The following PTPN22 variants were observed in gnomAD, a reference collection of about 807,000 sequenced individuals.
The protein encoded by PTPN22 is protein tyrosine phosphatase non-receptor type 22.
In PTPN22, 85 loss-of-function variants were observed where a neutral mutation model predicts 103.3. That is an observed-to-expected ratio of 0.82 (90% CI 0.69 to 0.99). The LOEUF (loss-of-function observed/expected upper bound fraction) is 0.99. Among genes scored for constraint, PTPN22 ranks in the 50% least tolerant of loss-of-function variants. The probability of loss-of-function intolerance (pLI) is 0.00; values close to 1 mark genes in which losing one functional copy is unlikely to be tolerated. For missense variants in PTPN22, 865 were observed against 936.9 expected (o/e 0.92, Z 1.00); for synonymous variants, 323 against 310.2 (o/e 1.04, Z -0.43).
chr1:113,853,268 A>G (rs911817114), intron 9 of PTPN22, among the ~76,000 whole-genome samples: 6 of 151,786 alleles, frequency 4.0e-5, no homozygotes, highest in Non-Finnish European at 5.9e-5. Flanking sequence ...AGAATTGTCA[A>G]CTCAGAATGG....
At chr1:113,825,057 A>T in intron 19 of PTPN22, 85 bp downstream of exon 19, 1 of 1,008,068 alleles carries the variant, frequency 9.9e-7, no homozygotes, top group Non-Finnish European at 1.5e-6. Flanking sequence ...TAATATTGTT[A>T]ATCTTTTCAC....
At chr1:113,837,318 C>T (rs991656480) in intron 13 of PTPN22, among the ~76,000 whole-genome samples, 5 of 151,676 alleles carry the variant, frequency 3.3e-5, no homozygotes, top group Admixed American at 1.3e-4. Context: ...GGCGTGGTGG[C>T]GCGCGCCTGT....
chr1:113,816,822 T>A (rs999403183), intron 20 of PTPN22, among the ~76,000 whole-genome samples: 2 of 152,052 alleles, frequency 1.3e-5, no homozygotes, highest in African/African-American at 4.8e-5. Flanking sequence ...GGCAGGAGAA[T>A]CGCTTGAACC....
chr1:113,867,271 A>G (rs1316996161), intron 1 of PTPN22, among the ~76,000 whole-genome samples: 1 of 152,176 alleles, frequency 6.6e-6, no homozygotes, highest in Admixed American at 6.5e-5. Context: ...CCTTTGAGAG[A>G]CTCAGTGTCA....
intron 1 of PTPN22, among the ~76,000 whole-genome samples, chr1:113,862,046 C>T (rs542059583): frequency 6.6e-6 from 1 of 151,686 alleles, no homozygotes; most frequent in Admixed American, 6.6e-5. Context: ...TTTGGGATGC[C>T]GAGGCAGGCA....
chr1:113,865,504 C>T (rs1666050757), intron 1 of PTPN22, among the ~76,000 whole-genome samples: 1 of 152,094 alleles, frequency 6.6e-6, no homozygotes, highest in Non-Finnish European at 1.5e-5. Flanking sequence ...AGCAGATTGC[C>T]TAGTACATAG....
At chr1:113,817,607 C>CT (rs1558012463) in intron 20 of PTPN22, among the ~76,000 whole-genome samples, 1 of 150,944 alleles carries the variant, frequency 6.6e-6, no homozygotes. Flanking sequence ...CTGGCTAGTT[C>CT]TAAAAAAAAA....
chr1:113,848,570 A>G (rs1664294554), exon 11 of PTPN22: 1 of 1,613,596 alleles, frequency 6.2e-7, no homozygotes. Flanking sequence ...CTCTGATAAC[A>G]TCCATCTGTC....
At chr1:113,828,037 C>A (rs1486265499) in intron 18 of PTPN22, among the ~76,000 whole-genome samples, 1 of 152,020 alleles carries the variant, frequency 6.6e-6, no homozygotes, top group African/African-American at 2.4e-5. Context: ...AAGGGCATAC[C>A]ATGCTCATTT....
chr1:113,838,732 A>G, intron 11 of PTPN22, 112 bp from the exon 12 acceptor site: 1 of 1,434,260 alleles, frequency 7.0e-7, no homozygotes, highest in Non-Finnish European at 9.2e-7. Flanking sequence ...GATTTAAAAT[A>G]ATTCATGAAA....
intron 11 of PTPN22, among the ~76,000 whole-genome samples, chr1:113,843,475 C>T (rs1663788447): frequency 6.6e-6 from 1 of 152,080 alleles, no homozygotes; most frequent in African/African-American, 2.4e-5. Context: ...CAGGTACCTA[C>T]AGTAGTCAAA....
At chr1:113,834,868 C>T (rs368481889) in intron 14 of PTPN22, 42 bp downstream of exon 14, 2 of 1,423,866 alleles carry the variant, frequency 1.4e-6, no homozygotes, top group East Asian at 2.4e-5. Flanking sequence ...AGCCACCATG[C>T]CCATCCCACA....
In PTPN22 at chr1:113,817,285, A is replaced by C. The variant is rs548540636; in HGVS notation, c.2359+2292T>G. Among the ~76,000 whole-genome samples the C allele has an allele frequency of 2.6e-3, 396 of 152,344 alleles. 2 individuals carry two copies. Among genetic ancestry groups the C allele is most frequent in the Non-Finnish European group, 4.3e-3 (290 of 68,030 alleles). Reference sequence around the variant, plus strand: ...TGATCTCTTTCACTGGTCAATTCTCAGTAGCTTAAAACAGTTTCGAGCTAC... The same window carrying C: ...TGATCTCTTTCACTGGTCAATTCTCCGTAGCTTAAAACAGTTTCGAGCTAC... On this transcript the variant is annotated intron_variant, in intron 20 of 20. Transcript: ENST00000359785.
chr1:113,865,772 A>G (rs1175345346), intron 1 of PTPN22, among the ~76,000 whole-genome samples: 3 of 152,244 alleles, frequency 2.0e-5, no homozygotes, highest in African/African-American at 4.8e-5. Flanking sequence ...ATCAATAATC[A>G]TGAAAAACTA....
intron 9 of PTPN22, 66 bp from the exon 10 acceptor site, chr1:113,852,170 T>C (rs1434757710): frequency 7.2e-6 from 9 of 1,244,910 alleles, no homozygotes; most frequent in East Asian, 2.5e-5. Context: ...TACTTTTTCA[T>C]AGTCTTGTAC....
intron 6 of PTPN22, 26 bp from the exon 7 acceptor site, chr1:113,856,467 A>G (rs556386048): frequency 1.3e-5 from 21 of 1,612,442 alleles, no homozygotes; most frequent in South Asian, 1.2e-4. Context: ...AGACTCAAGT[A>G]TTAGTGATTG....
chr1:113,868,497 T>C (rs1329788090), intron 1 of PTPN22, among the ~76,000 whole-genome samples: 1 of 152,160 alleles, frequency 6.6e-6, no homozygotes, highest in Non-Finnish European at 1.5e-5. Flanking sequence ...CCTCATTCAC[T>C]ACTCCTCTAC....
chr1:113,838,532 A>C lies in PTPN22; in HGVS notation c.992+12T>G. 6.2e-7 allele frequency: 1 copy of C among 1,610,920 alleles called. No individual in the cohort carries two copies. Among genetic ancestry groups the C allele is most frequent in the Non-Finnish European group, 8.5e-7 (1 of 1,179,262 alleles). On this transcript the variant is annotated intron_variant, in intron 12 of 20. Transcript: ENST00000359785. ...AATTAGTCAACATTTAGATATATAAAATTGTACTCACCTTTTTGGTAAATT... is the reference window on the plus strand; with the variant it reads ...AATTAGTCAACATTTAGATATATAACATTGTACTCACCTTTTTGGTAAATT...
chr1:113,852,169 A>G, intron 9 of PTPN22, 65 bp from the exon 10 acceptor site: 3 of 1,241,816 alleles, frequency 2.4e-6, no homozygotes, highest in Non-Finnish European at 3.5e-6. Flanking sequence ...CTACTTTTTC[A>G]TAGTCTTGTA....
Sources: allele counts gnomAD v4.1 joint callset (sites outside exome capture counted in the v4.1 genomes callset), GRCh38; gene constraint gnomAD v4.1.1; transcripts MANE v1.5; gene names NCBI Gene and HGNC (gene_info 2026-07-23, HGNC 2026-07-21).